Variants in DNAAF1 observed in about 807,000 individuals in gnomAD.
DNAAF1 encodes the protein dynein axonemal assembly factor 1.
Under a neutral mutation model 71.1 loss-of-function variants are expected in DNAAF1, and 65 were observed. That is an observed-to-expected ratio of 0.91 (90% CI 0.75 to 1.12). DNAAF1 has a LOEUF of 1.12. Among genes scored for constraint, DNAAF1 ranks in the 50% most tolerant of loss-of-function variants. DNAAF1 has a pLI of 0.00. For synonymous variants in DNAAF1, 414 were observed against 354.6 expected (o/e 1.17, Z -1.88); for missense variants, 1,178 against 899.8 (o/e 1.31, Z -3.96).
At chr16:84,161,307 G>GT (rs1245214894) in intron 6 of DNAAF1, among the ~76,000 whole-genome samples, 4 of 152,192 alleles carry the variant, frequency 2.6e-5, no homozygotes, top group South Asian at 2.1e-4. Flanking sequence ...GCTGAGGAAA[G>GT]TAACATGGAT....
At chr16:84,168,743 A>G (rs1352341917) in intron 7 of DNAAF1, among the ~76,000 whole-genome samples, 1 of 152,112 alleles carries the variant, frequency 6.6e-6, no homozygotes, top group African/African-American at 2.4e-5. Context: ...AGAAAAGCTG[A>G]AAGAATAGTA....
At chr16:84,153,706 T>C (rs1360112356) in intron 3 of DNAAF1, among the ~76,000 whole-genome samples, 1 of 152,184 alleles carries the variant, frequency 6.6e-6, no homozygotes, top group Non-Finnish European at 1.5e-5. Context: ...AATTACACAT[T>C]GATGACGAGT....
At position 84,165,773 on chromosome 16, in the gene DNAAF1, T is replaced by G; in HGVS notation, c.864-10T>G. On this transcript the variant is annotated splice_polypyrimidine_tract_variant and intron_variant, in intron 6 of 11. Coordinates refer to ENST00000378553, the MANE Select transcript of DNAAF1 (RefSeq NM_178452.6). Reference sequence around the variant, plus strand: ...CCTCCCCTATTTATGTTTCTTTGTTTTTTAAACAGAGCTTGTGCGGAGGCC... The same window carrying G: ...CCTCCCCTATTTATGTTTCTTTGTTGTTTAAACAGAGCTTGTGCGGAGGCC... 2.5e-6 allele frequency: 4 copies of G among 1,613,246 alleles called. No individual in the cohort carries two copies. Among genetic ancestry groups the G allele is most frequent in the South Asian group, 1.1e-5 (1 of 91,058 alleles).
At chr16:84,170,512 C>G (rs1389985522) in intron 8 of DNAAF1, among the ~76,000 whole-genome samples, 156 bp downstream of exon 8, 1 of 152,186 alleles carries the variant, frequency 6.6e-6, no homozygotes, top group African/African-American at 2.4e-5. Flanking sequence ...TTTTCTAGAA[C>G]AGGGCTGCCC....
intron 9 of DNAAF1, chr16:84,174,218 T>A: frequency 9.6e-7 from 1 of 1,041,376 alleles, no homozygotes; most frequent in Non-Finnish European, 1.2e-6. Context: ...CTGGTTGTTA[T>A]GGACAAAGAT....
chr16:84,172,169 G>A (rs2088392219), intron 8 of DNAAF1, 91 bp from the exon 9 acceptor site: 1 of 1,244,974 alleles, frequency 8.0e-7, no homozygotes, highest in Non-Finnish European at 1.2e-6. Context: ...GAGCCACCGA[G>A]CCCGGCCCTT....
chr16:84,151,333 G>A (rs1326345629), intron 3 of DNAAF1, among the ~76,000 whole-genome samples: 1 of 152,114 alleles, frequency 6.6e-6, no homozygotes, highest in Non-Finnish European at 1.5e-5. Flanking sequence ...GCCACGCCAG[G>A]GAGACGCCCA....
intron 3 of DNAAF1, among the ~76,000 whole-genome samples, chr16:84,153,044 G>T (rs962895133): frequency 2.9e-4 from 44 of 152,122 alleles, no homozygotes; most frequent in Non-Finnish European, 5.4e-4. Flanking sequence ...TAAACAGTTT[G>T]GAAACAAAGA....
Position 84,158,354 on chromosome 16 carries a change from G to T in DNAAF1, c.742-1321G>T, listed in dbSNP as rs186114884. ...CGTCTTCTCCCTGGGTCCTCACATGGTCCCTCCCTCTGTGCCGTGTGTTCT... is the reference window on the plus strand; with the variant it reads ...CGTCTTCTCCCTGGGTCCTCACATGTTCCCTCCCTCTGTGCCGTGTGTTCT... On this transcript the variant is annotated intron_variant, in intron 5 of 11. Coordinates refer to ENST00000378553, the MANE Select transcript of DNAAF1 (RefSeq NM_178452.6). Among the ~76,000 whole-genome samples, 41 of 152,292 alleles carry T rather than the reference G, an allele frequency of 2.7e-4. 1 individual carries two copies. The highest frequency in any genetic ancestry group is 8.7e-4 in the African/African-American group (36 of 41,560).
chr16:84,161,044 C>CA (rs2087686356), intron 6 of DNAAF1, among the ~76,000 whole-genome samples: 1 of 152,106 alleles, frequency 6.6e-6, no homozygotes, highest in African/African-American at 2.4e-5. Flanking sequence ...ACGGGGAGAG[C>CA]AGCCAGTGTG....
chr16:84,172,230 C>G, intron 8 of DNAAF1, 30 bp from the exon 9 acceptor site: 1 of 1,607,976 alleles, frequency 6.2e-7, no homozygotes, highest in South Asian at 1.1e-5. Context: ...GTGTGTTAAA[C>G]TAACTCCAAG....
chr16:84,168,593 T>C (rs1306856251), intron 7 of DNAAF1, among the ~76,000 whole-genome samples: 1 of 152,108 alleles, frequency 6.6e-6, no homozygotes. Flanking sequence ...TACATTTTTA[T>C]ATAAAAATGG....
At chr16:84,172,594 T>C in intron 9 of DNAAF1, 1 of 1,370,770 alleles carries the variant, frequency 7.3e-7, no homozygotes, top group South Asian at 1.5e-5. Context: ...AGGTGATTCG[T>C]GCACATGCAT....
Position 84,165,075 on chromosome 16 carries a change from G to C in DNAAF1, c.864-708G>C, listed in dbSNP as rs569368009. On this transcript the variant is annotated intron_variant, in intron 6 of 11. Transcript: ENST00000378553. ...TATATCTTTTTTGGTGAGGTACCCT[G>C]ATCATTTGCCCAGTTTTTTATTGCG... 6.3e-4 allele frequency among the ~76,000 whole-genome samples: 96 copies of C among 152,274 alleles called. 2 individuals are homozygous for C. The highest frequency in any genetic ancestry group is 2.1e-3 in the African/African-American group (88 of 41,562).
intron 1 of DNAAF1, 52 bp downstream of exon 1, chr16:84,145,616 G>C: frequency 6.5e-7 from 1 of 1,535,052 alleles, no homozygotes; most frequent in Non-Finnish European, 8.8e-7. Context: ...ACACGGCTAG[G>C]CGCTCCAGCC....
intron 6 of DNAAF1, among the ~76,000 whole-genome samples, chr16:84,163,773 G>A (rs560577106): frequency 4.9e-4 from 74 of 151,866 alleles, no homozygotes; most frequent in Middle Eastern, 6.8e-3. Flanking sequence ...TGTTGAGCAC[G>A]TTTCATGTAC....
At chr16:84,164,664 C>G (rs189999183) in intron 6 of DNAAF1, among the ~76,000 whole-genome samples, 3 of 152,298 alleles carry the variant, frequency 2.0e-5, no homozygotes, top group African/African-American at 7.2e-5. Context: ...ATCCATTCAC[C>G]TACTAAAAGA....
chr16:84,169,738 T>A (rs978978404), intron 7 of DNAAF1, 121 bp from the exon 8 acceptor site: 35 of 1,450,538 alleles, frequency 2.4e-5, no homozygotes, highest in Non-Finnish European at 3.0e-5. Context: ...GACACTTTTT[T>A]AACTGTGTTC....
intron 7 of DNAAF1, among the ~76,000 whole-genome samples, chr16:84,168,488 A>G (rs186016131): frequency 1.1e-4 from 17 of 152,184 alleles, no homozygotes; most frequent in African/African-American, 3.6e-4. Flanking sequence ...ATGTTGGCCA[A>G]GCTGGTCTCG....
Sources: gnomAD v4.1 joint callset for allele counts (sites outside exome capture counted in the v4.1 genomes callset) on GRCh38, gnomAD v4.1.1 for gene constraint, MANE v1.5 for transcripts, NCBI Gene and HGNC (gene_info 2026-07-23, HGNC 2026-07-21) for gene names.